CSRP2: variants seen among roughly 807,000 people sequenced by gnomAD.
CSRP2 encodes cysteine and glycine rich protein 2, also known as cysteine and glycine-rich protein 2.
In CSRP2, 18 loss-of-function variants were observed where a neutral mutation model predicts 24.6. The ratio of observed to expected loss-of-function variants is 0.73; its 90% CI spans 0.51 to 1.09. The LOEUF (loss-of-function observed/expected upper bound fraction) is 1.09. Among genes scored for constraint, CSRP2 ranks in the 50% least tolerant of loss-of-function variants. CSRP2 has a pLI of 0.00. For missense variants in CSRP2, 215 were observed against 239.4 expected (o/e 0.90, Z 0.67); for synonymous variants, 87 against 84.3 (o/e 1.03, Z -0.18).
rs1953701316 is a variant in CSRP2 at position 76,863,197 on chromosome 12, C to A, written c.260G>T (p.Arg87Met). Reference sequence around the variant, plus strand: ...TCACCTCTCTGGTTTGATGCCCAGCCTCTCGCCACGGTCCATGTTAAGCGT... The same window carrying A: ...TCACCTCTCTGGTTTGATGCCCAGCATCTCGCCACGGTCCATGTTAAGCGT... Reference protein sequence around the residue: ...AGTLNMDRGERLGIKPESVQP... With the variant: ...AGTLNMDRGEMLGIKPESVQP... The change falls in exon 3 of 6, where the codon AGG (arginine) becomes ATG (methionine). Residue 87 changes from arginine to methionine, a missense_variant. By Grantham distance (91) the Arg-to-Met change is moderately conservative. Transcript: ENST00000311083. 1.9e-6 allele frequency: 3 copies of A among 1,613,610 alleles called. No homozygotes were observed. The highest frequency in any genetic ancestry group is 2.5e-6 in the Non-Finnish European group (3 of 1,179,624).
intron 3 of CSRP2, chr12:76,862,563 T>G (rs549011985): frequency 1.3e-4 from 46 of 356,480 alleles, no homozygotes; most frequent in Middle Eastern, 1.7e-3. Context: ...AAAAAGTGTG[T>G]GGGGGGAATT....
At chr12:76,865,999 G>C (rs1384569715) in intron 2 of CSRP2, 150 bp downstream of exon 2, 3 of 629,198 alleles carry the variant, frequency 4.8e-6, no homozygotes, top group Non-Finnish European at 8.4e-6. Flanking sequence ...TGCTAGGCTT[G>C]GCATTTACAA....
intron 1 of CSRP2, among the ~76,000 whole-genome samples, chr12:76,876,971 G>A (rs1367626066): frequency 1.3e-5 from 2 of 152,202 alleles, no homozygotes; most frequent in East Asian, 3.8e-4. Context: ...AAGTATTGAG[G>A]CCAAAGAGTA....
intron 1 of CSRP2, among the ~76,000 whole-genome samples, chr12:76,871,596 C>T (rs2137834780): frequency 6.6e-6 from 1 of 152,082 alleles, no homozygotes; most frequent in Middle Eastern, 3.4e-3. Context: ...CGGTGAAACC[C>T]CGTCTCTACT....
intron 3 of CSRP2, chr12:76,860,623 T>C: frequency 2.2e-6 from 1 of 451,902 alleles, no homozygotes. Flanking sequence ...GGCTCATTAT[T>C]ATTTCAAAAA....
At chr12:76,873,921 C>T (rs1953826937) in intron 1 of CSRP2, among the ~76,000 whole-genome samples, 2 of 152,160 alleles carry the variant, frequency 1.3e-5, no homozygotes, top group Admixed American at 6.5e-5. Flanking sequence ...TAATGCTTTA[C>T]TGTTTATGAA....
chr12:76,859,456 C>CT (rs529262700), intron 5 of CSRP2, 91 bp downstream of exon 5: 59,806 of 638,350 alleles, frequency 0.094, 81 homozygotes, highest in South Asian at 0.12. Context: ...GCATACTTTT[C>CT]TTTTTTTTTT....
intron 1 of CSRP2, among the ~76,000 whole-genome samples, chr12:76,873,539 C>G (rs1339020656): frequency 6.6e-6 from 1 of 152,166 alleles, no homozygotes; most frequent in Non-Finnish European, 1.5e-5. Flanking sequence ...CTCAACCTGG[C>G]CTTTAAGTCA....
At chr12:76,863,726 A>G (rs1449486223) in intron 2 of CSRP2, 1 of 166,098 alleles carries the variant, frequency 6.0e-6, no homozygotes, top group African/African-American at 2.4e-5. Flanking sequence ...GGCTATAAAA[A>G]TGCTTAAACA....
chr12:76,866,244 C>T lies in CSRP2; in HGVS notation c.17G>A (p.Gly6Asp). 1 of 1,614,028 alleles carries T rather than the reference C, an allele frequency of 6.2e-7. No homozygotes were observed. Among genetic ancestry groups the T allele is most frequent in the African/African-American group, 1.3e-5 (1 of 75,032 alleles). MPVWG[G>D]GNKCGACGRT... ...CCCACAGGCCCCACACTTGTTTCCA[C>T]CTCCCCAGACAGGCATTCTGAAGGA... Residue 6 changes from glycine to aspartate, a missense_variant, in exon 2 of 6, where the codon GGT becomes GAT. Physicochemically the swap from Gly to Asp is moderately conservative, Grantham distance 94. Coordinates refer to ENST00000311083, the MANE Select transcript of CSRP2 (RefSeq NM_001321.3).
At chr12:76,859,420 G>T in intron 5 of CSRP2, 127 bp downstream of exon 5, 1 of 659,696 alleles carries the variant, frequency 1.5e-6, no homozygotes. Flanking sequence ...AAGCATCTTG[G>T]GATATTTTAT....
chr12:76,863,123 G>T, intron 3 of CSRP2, 53 bp downstream of exon 3: 1 of 1,555,132 alleles, frequency 6.4e-7, no homozygotes. Flanking sequence ...TCAGCAAGCG[G>T]CACTAACTGT....
At chr12:76,871,090 T>C (rs141887287) in intron 1 of CSRP2, among the ~76,000 whole-genome samples, 30 of 152,038 alleles carry the variant, frequency 2.0e-4, no homozygotes, top group African/African-American at 5.3e-4. Context: ...AGGAAGTTGA[T>C]TGACTGGTTT....
In CSRP2 at chr12:76,863,303, G is replaced by C; in HGVS notation, c.154C>G (p.His52Asp). The change falls in exon 3 of 6, where the codon CAC becomes GAC. Residue 52 changes from histidine to aspartate, a missense_variant. Transcript: ENST00000311083. Reference sequence around the variant, plus strand: ...GATTTGCAGTAGATCTCTTCATCGTGAATTGCCACTGTTGTGCTATCTAAA... The same window carrying C: ...GATTTGCAGTAGATCTCTTCATCGTCAATTGCCACTGTTGTGCTATCTAAA... ...KNLDSTTVAI[H>D]DEEIYCKSCY... is the part of the protein sequence containing the mutation. The C allele has an allele frequency of 6.2e-7, 1 of 1,614,212 alleles. No individual in the cohort carries two copies. The highest frequency in any genetic ancestry group is 1.1e-5 in the South Asian group (1 of 91,084).
At chr12:76,874,907 T>C (rs1218099360) in intron 1 of CSRP2, among the ~76,000 whole-genome samples, 2 of 152,100 alleles carry the variant, frequency 1.3e-5, no homozygotes, top group Non-Finnish European at 1.5e-5. Context: ...CCACCCACCA[T>C]CCATGAAAAA....
intron 1 of CSRP2, among the ~76,000 whole-genome samples, chr12:76,877,976 CCCA>C (rs1565832340): frequency 1.3e-4 from 16 of 126,892 alleles, no homozygotes; most frequent in African/African-American, 4.6e-4. Flanking sequence ...CCCCCCACCC[CCCA>C]AAAAAAATTC....
chr12:76,863,280 T>C lies in CSRP2; in HGVS notation c.177A>G (p.Lys59=), dbSNP rs1478043655. The C allele has an allele frequency of 1.2e-6, 2 of 1,614,240 alleles. No individual in the cohort carries two copies. Among genetic ancestry groups the C allele is most frequent in the South Asian group, 2.2e-5 (2 of 91,086 alleles). ...GCCCATACTTCTTTCCGTAGCAGGA[T>C]TTGCAGTAGATCTCTTCATCGTGAA... is the stretch of plus-strand genomic sequence containing the variant. The part of the protein sequence containing the change: ...VAIHDEEIYC[K]SCYGKKYGPK... The change falls in exon 3 of 6, where the codon AAA becomes AAG. Residue 59 remains lysine, a synonymous_variant. Transcript: ENST00000311083.
chr12:76,867,198 C>T (rs1251556901), intron 1 of CSRP2, among the ~76,000 whole-genome samples: 3 of 152,050 alleles, frequency 2.0e-5, no homozygotes, highest in Non-Finnish European at 2.9e-5. Flanking sequence ...CTTTAAAATG[C>T]CTGGTTCTGG....
chr12:76,860,188 G>A, intron 4 of CSRP2, 96 bp downstream of exon 4: 1 of 1,330,480 alleles, frequency 7.5e-7, no homozygotes, highest in South Asian at 1.6e-5. Flanking sequence ...ACAGTGATTT[G>A]TAAGACATCA....
Sources: allele counts gnomAD v4.1 joint callset (sites outside exome capture counted in the v4.1 genomes callset), GRCh38; gene constraint gnomAD v4.1.1; transcripts MANE v1.5; gene names NCBI Gene and HGNC (gene_info 2026-07-23, HGNC 2026-07-21).